Variants in ARHGAP21 observed in about 807,000 individuals in gnomAD.
The protein encoded by ARHGAP21 is Rho GTPase activating protein 21.
Under a neutral mutation model 164.6 loss-of-function variants are expected in ARHGAP21, and 38 were observed. The observed-to-expected ratio is 0.23, with a 90% CI of 0.18 to 0.30. The LOEUF is 0.30. Ranked by LOEUF, ARHGAP21 falls within the 10% of genes least tolerant of loss-of-function variation. ARHGAP21 has a pLI of 1.00. For synonymous variants in ARHGAP21, 766 were observed against 857.9 expected (o/e 0.89, Z 1.87); for missense variants, 1,822 against 2,370.7 (o/e 0.77, Z 4.81).
At chr10:24,685,644 G>A (rs764922693) in intron 2 of ARHGAP21, among the ~76,000 whole-genome samples, 2 of 152,170 alleles carry the variant, frequency 1.3e-5, no homozygotes, top group African/African-American at 2.4e-5. Flanking sequence ...GGGAGGCCGA[G>A]GTGGGCGGAT....
chr10:24,607,208 T>C (rs1592999168), intron 11 of ARHGAP21, among the ~76,000 whole-genome samples: 1 of 152,326 alleles, frequency 6.6e-6, no homozygotes, highest in Middle Eastern at 3.4e-3. Flanking sequence ...ATTTTATGTA[T>C]AGAATAGCTC....
chr10:24,693,460 C>A (rs940134724), intron 2 of ARHGAP21, among the ~76,000 whole-genome samples: 1 of 152,102 alleles, frequency 6.6e-6, no homozygotes, highest in Non-Finnish European at 1.5e-5. Context: ...AAGCAATTCT[C>A]CTGCCTCAGC....
intron 2 of ARHGAP21, among the ~76,000 whole-genome samples, chr10:24,702,219 T>C (rs1042425911): frequency 1.4e-5 from 2 of 143,706 alleles, no homozygotes; most frequent in African/African-American, 2.6e-5. Context: ...CAAGTTCCAT[T>C]TCCCGGGTTC....
intron 4 of ARHGAP21, among the ~76,000 whole-genome samples, chr10:24,645,752 T>C (rs1046464190): frequency 1.3e-5 from 2 of 152,164 alleles, no homozygotes; most frequent in Non-Finnish European, 2.9e-5. Flanking sequence ...CAGGAACTGT[T>C]CTGGGCTTTA....
chr10:24,599,264 G>T (rs1217561172), intron 14 of ARHGAP21, among the ~76,000 whole-genome samples: 1 of 152,190 alleles, frequency 6.6e-6, no homozygotes, highest in African/African-American at 2.4e-5. Flanking sequence ...CACATAGTAG[G>T]TGCCTGTTAC....
intron 9 of ARHGAP21, among the ~76,000 whole-genome samples, chr10:24,613,492 T>C (rs2077351948): frequency 6.6e-6 from 1 of 152,180 alleles, no homozygotes; most frequent in Admixed American, 6.5e-5. Context: ...GAACATGGAT[T>C]TAAATTAACA....
chr10:24,641,660 T>A (rs1417195738), intron 4 of ARHGAP21, among the ~76,000 whole-genome samples: 1 of 152,198 alleles, frequency 6.6e-6, no homozygotes, highest in East Asian at 1.9e-4. Context: ...TCTAACTGAA[T>A]CATGCTAACC....
At chr10:24,657,265 G>A (rs1315905221) in intron 4 of ARHGAP21, among the ~76,000 whole-genome samples, 1 of 37,436 alleles carries the variant, frequency 2.7e-5, no homozygotes, top group East Asian at 8.2e-4. Flanking sequence ...TCAGCCCCCG[G>A]CCGGCCAGCC....
At chr10:24,592,350 T>C (rs2076371423) in intron 21 of ARHGAP21, among the ~76,000 whole-genome samples, 1 of 152,088 alleles carries the variant, frequency 6.6e-6, no homozygotes, top group Non-Finnish European at 1.5e-5. Context: ...AGTTAGGATT[T>C]TCAAAGCAAA....
intron 9 of ARHGAP21, among the ~76,000 whole-genome samples, chr10:24,616,195 ATATAAAGATGATAAGTACATGATTTCTC>A (rs1365597984): frequency 6.6e-6 from 1 of 152,272 alleles, no homozygotes; most frequent in Non-Finnish European, 1.5e-5. Context: ...TGAAAAAGAC[ATATAAAGATGATAAGTACATGATTTCTC>A]TTTATAAAAG....
In ARHGAP21 at chr10:24,628,858, TAC is replaced by T. The variant is rs555627288; in HGVS notation, c.495+1136_495+1137del. On this transcript the variant is annotated intron_variant, in intron 7 of 25. Transcript: ENST00000396432. ...GTACATATATACACATACATATATATACACATATATACATACATATATACACA... is the reference window on the plus strand; with the variant it reads ...GTACATATATACACATACATATATATACATATATACATACATATATACACA... Among the ~76,000 whole-genome samples, 14 of 130,158 alleles carry T rather than the reference TAC, an allele frequency of 1.1e-4. No individual in the cohort carries two copies. The South Asian group carries it at 1.9e-3, about 18-fold the overall frequency. 85.4% of individuals were successfully genotyped at this position (130,158 alleles called of 152,430 possible). A position where few individuals can be genotyped will look rare whatever the true frequency, so the allele number is the denominator to read the frequency against.
chr10:24,700,697 C>T (rs552629942), intron 2 of ARHGAP21, among the ~76,000 whole-genome samples: 59 of 152,268 alleles, frequency 3.9e-4, no homozygotes, highest in Non-Finnish European at 7.5e-4. Flanking sequence ...TAAGTGGTAA[C>T]ACCATAATAC....
chr10:24,590,367 G>A (rs575508525), intron 24 of ARHGAP21: 3 of 1,535,294 alleles, frequency 2.0e-6, no homozygotes, highest in Non-Finnish European at 2.6e-6. Context: ...TGCAGACAAG[G>A]CAGCTACAGT....
At chr10:24,636,628 A>C (rs1408949022) in intron 4 of ARHGAP21, among the ~76,000 whole-genome samples, 1 of 152,220 alleles carries the variant, frequency 6.6e-6, no homozygotes, top group Non-Finnish European at 1.5e-5. Flanking sequence ...TGTATGCACC[A>C]AGATGGCTTA....
rs141335430 is a variant in ARHGAP21 at position 24,631,465 on chromosome 10, T to G, written c.441-1415A>C. 1.5e-3 allele frequency among the ~76,000 whole-genome samples: 231 copies of G among 152,296 alleles called. 5 individuals carry two copies. The East Asian group carries it at 0.038, about 25-fold the overall frequency. On this transcript the variant is annotated intron_variant, in intron 6 of 25. Coordinates refer to ENST00000396432, the MANE Select transcript of ARHGAP21 (RefSeq NM_020824.4). ...ACAGCTAATCTAACAATATCAGACA[T>G]ATTTTCCCCCAATACAGTCAAGAGA... is the stretch of plus-strand genomic sequence containing the variant.
At position 24,620,858 on chromosome 10, in the gene ARHGAP21, A is replaced by C; in HGVS notation, c.1037T>G (p.Leu346Arg). 6 of 1,614,012 alleles carry C rather than the reference A, an allele frequency of 3.7e-6. No homozygotes were observed. Among genetic ancestry groups the C allele is most frequent in the Non-Finnish European group, 5.1e-6 (6 of 1,179,900 alleles). ...SRSLEPSGIL[L>R]KSGNYSGHSD... ...ATGTCCACTGTAATTTCCAGACTTAAGTAAAATTCCAGAAGGTTCCAGTGA... is the reference window on the plus strand; with the variant it reads ...ATGTCCACTGTAATTTCCAGACTTACGTAAAATTCCAGAAGGTTCCAGTGA... Residue 346 changes from leucine to arginine, a missense_variant, in exon 9 of 26, where the codon CTT (leucine) becomes CGT (arginine). By Grantham distance (102) the Leu-to-Arg change is moderately radical. Around this residue, in one of 5 missense-constraint regions of ARHGAP21, gnomAD observed 1,090 missense variants for 1,378.9 expected, o/e 0.79. Transcript: ENST00000396432.
At chr10:24,696,684 T>C (rs1843204778) in intron 2 of ARHGAP21, among the ~76,000 whole-genome samples, 1 of 152,132 alleles carries the variant, frequency 6.6e-6, no homozygotes, top group Non-Finnish European at 1.5e-5. Flanking sequence ...GAAAAAATGA[T>C]GGCCCACATT....
chr10:24,630,627 G>A (rs932262816), intron 6 of ARHGAP21, among the ~76,000 whole-genome samples: 8 of 152,120 alleles, frequency 5.3e-5, no homozygotes, highest in African/African-American at 1.7e-4. Context: ...AAGTAGCTGG[G>A]ACTACAGGGC....
At chr10:24,673,037 TAA>T (rs981618379) in intron 2 of ARHGAP21, among the ~76,000 whole-genome samples, 3 of 152,082 alleles carry the variant, frequency 2.0e-5, no homozygotes, top group African/African-American at 2.4e-5. Flanking sequence ...TCCAAAACAT[TAA>T]GAGATATTAA....
Sources: allele counts gnomAD v4.1 joint callset (sites outside exome capture counted in the v4.1 genomes callset), GRCh38; gene constraint gnomAD v4.1.1; regional missense constraint gnomAD v4.1.1; transcripts MANE v1.5; gene names NCBI Gene and HGNC (gene_info 2026-07-23, HGNC 2026-07-21).